Variants in ZBTB20 observed in about 807,000 individuals in gnomAD.
The protein encoded by ZBTB20 is zinc finger and BTB domain containing 20, also known as zinc finger and BTB domain-containing protein 20.
ZBTB20 carries 9 observed loss-of-function variants against 56.9 expected under a neutral mutation model. The ratio of observed to expected loss-of-function variants is 0.16; its 90% CI spans 0.10 to 0.28. ZBTB20 has a LOEUF of 0.28. ZBTB20 is among the 10% of genes least tolerant of loss of function. The pLI is 1.00. For missense variants in ZBTB20, 655 were observed against 1,003.0 expected, an observed-to-expected ratio of 0.65 and a Z score of 4.69; for synonymous variants, 417 against 420.7, an observed-to-expected ratio of 0.99 and a Z score of 0.11.
chr3:114,438,838 T>G (rs545603182), intron 7 of ZBTB20, among the ~76,000 whole-genome samples: 40 of 152,272 alleles, frequency 2.6e-4, no homozygotes, highest in African/African-American at 9.1e-4. Flanking sequence ...CATGGGACCT[T>G]GTGCAACTGC....
intron 2 of ZBTB20, among the ~76,000 whole-genome samples, chr3:115,013,426 A>C (rs2079807448): frequency 6.6e-6 from 1 of 151,686 alleles, no homozygotes; most frequent in Non-Finnish European, 1.5e-5. Flanking sequence ...AAATAGAAAA[A>C]TTTGGAAGAA....
intron 6 of ZBTB20, among the ~76,000 whole-genome samples, chr3:114,606,421 T>C (rs1377385359): frequency 6.6e-6 from 1 of 152,200 alleles, no homozygotes; most frequent in East Asian, 1.9e-4. Context: ...TTTTTTTTTC[T>C]TTCAAAGTAC....
At chr3:114,600,254 T>C (rs2056658079) in intron 6 of ZBTB20, among the ~76,000 whole-genome samples, 1 of 151,964 alleles carries the variant, frequency 6.6e-6, no homozygotes, top group Admixed American at 6.6e-5. Flanking sequence ...CCCAACAGAT[T>C]GAGATGAAGA....
intron 2 of ZBTB20, among the ~76,000 whole-genome samples, chr3:115,010,830 G>A (rs2079671732): frequency 6.6e-6 from 1 of 151,962 alleles, no homozygotes; most frequent in South Asian, 2.1e-4. Context: ...TGGAGAAGCA[G>A]AGATATGTGT....
chr3:114,676,771 ATTTTTT>A (rs397873968), intron 6 of ZBTB20, among the ~76,000 whole-genome samples: 2 of 123,324 alleles, frequency 1.6e-5, no homozygotes, highest in East Asian at 2.3e-4. Context: ...GAACTAGGGG[ATTTTTT>A]TTTTTTTTTT....
intron 7 of ZBTB20, among the ~76,000 whole-genome samples, chr3:114,456,142 G>A (rs1305997390): frequency 6.6e-6 from 1 of 151,080 alleles, no homozygotes; most frequent in African/African-American, 2.4e-5. Flanking sequence ...ATAGCCAAAT[G>A]GAAATATAAT....
intron 5 of ZBTB20, among the ~76,000 whole-genome samples, chr3:114,693,933 A>G (rs962425975): frequency 2.0e-5 from 3 of 152,124 alleles, no homozygotes; most frequent in African/African-American, 7.2e-5. Context: ...GTAAACCACT[A>G]GGATTTGCAG....
intron 7 of ZBTB20, among the ~76,000 whole-genome samples, chr3:114,433,548 T>A (rs2090277592): frequency 6.6e-6 from 1 of 152,174 alleles, no homozygotes; most frequent in Admixed American, 6.6e-5. Flanking sequence ...GTAATTTCTT[T>A]CCAAACACTC....
intron 5 of ZBTB20, among the ~76,000 whole-genome samples, chr3:114,767,436 A>G (rs187013495): frequency 6.6e-6 from 1 of 152,032 alleles, no homozygotes. Context: ...CAGCACTAAA[A>G]TAAAATGGGC....
chr3:114,956,356 A>C (rs1297745353), intron 3 of ZBTB20, among the ~76,000 whole-genome samples: 1 of 152,120 alleles, frequency 6.6e-6, no homozygotes, highest in Non-Finnish European at 1.5e-5. Context: ...CATTCAGTTC[A>C]CCCCTTTGTG....
At chr3:114,991,562 G>C (rs1576506942) in intron 2 of ZBTB20, among the ~76,000 whole-genome samples, 1 of 152,152 alleles carries the variant, frequency 6.6e-6, no homozygotes, top group South Asian at 2.1e-4. Flanking sequence ...ATGTGGTGCT[G>C]AGAAGAATGT....
At position 114,332,962 on chromosome 3, in the gene ZBTB20, T is replaced by G. The variant is rs994500099; in HGVS notation, c.*6043A>C. 3 of 152,214 alleles carry G rather than the reference T, an allele frequency of 2.0e-5. No individual in the cohort carries two copies. Among genetic ancestry groups the G allele is most frequent in the African/African-American group, 7.2e-5 (3 of 41,452 alleles). The allele number at this position is 152,214 out of a possible 1,614,324, so 9.4% of individuals were successfully genotyped here. On this transcript the variant is annotated 3_prime_UTR_variant, in exon 12 of 12. Transcript: ENST00000675478. ...AAAAAGAACCCACACTAGGTAGCCC[T>G]AATTTTCTATCTCTTCACTCTAAAA...
rs1248997499 is a variant in ZBTB20 at position 114,798,180 on chromosome 3, G to T, written c.-343+2921C>A. On this transcript the variant is annotated intron_variant, in intron 5 of 11. Transcript: ENST00000675478. ...CACTATGGTTCTGTTCAGATTACTGGTTTCATCATGTCTGTAAGCCCAATT... is the reference window on the plus strand; with the variant it reads ...CACTATGGTTCTGTTCAGATTACTGTTTTCATCATGTCTGTAAGCCCAATT... Among the ~76,000 whole-genome samples, 3 of 151,646 alleles carry T rather than the reference G, an allele frequency of 2.0e-5. No individual in the cohort carries two copies. The South Asian group carries it at 6.2e-4, about 31-fold the overall frequency.
intron 7 of ZBTB20, among the ~76,000 whole-genome samples, chr3:114,474,492 C>T (rs2040515270): frequency 6.6e-6 from 1 of 152,166 alleles, no homozygotes; most frequent in African/African-American, 2.4e-5. Context: ...AAAGCCTCTT[C>T]TCTTGCTTCT....
intron 2 of ZBTB20, among the ~76,000 whole-genome samples, chr3:115,035,117 T>A (rs1463157683): frequency 1.3e-5 from 2 of 152,068 alleles, no homozygotes; most frequent in Non-Finnish European, 2.9e-5. Context: ...TATAAAACTC[T>A]TGGAAGAAAG....
At chr3:114,414,485 A>G (rs2088310363) in intron 7 of ZBTB20, among the ~76,000 whole-genome samples, 2 of 152,024 alleles carry the variant, frequency 1.3e-5, no homozygotes, top group South Asian at 4.1e-4. Flanking sequence ...TTTGAAGAAA[A>G]TTTAAGTTTA....
At chr3:115,007,201 A>T (rs1161494493) in intron 2 of ZBTB20, among the ~76,000 whole-genome samples, 3 of 151,820 alleles carry the variant, frequency 2.0e-5, no homozygotes, top group African/African-American at 7.2e-5. Flanking sequence ...GTCGTCTAAA[A>T]AAATATGTTT....
intron 5 of ZBTB20, among the ~76,000 whole-genome samples, chr3:114,796,157 T>C (rs1261727223): frequency 2.0e-5 from 3 of 151,896 alleles, no homozygotes; most frequent in Non-Finnish European, 2.9e-5. Context: ...GTAAGTAAAT[T>C]TGATAGTTAG....
In ZBTB20 at chr3:114,316,565, A is replaced by G. The variant is rs2078693146; in HGVS notation, c.*22440T>C. The stretch of plus-strand genomic sequence containing the variant: ...TATACATTTATACATAATATAGTGT[A>G]TATCGTTTCAACTGGAGATAAACTG... On this transcript the variant is annotated 3_prime_UTR_variant, in exon 12 of 12. Transcript: ENST00000675478. 1.9e-6 allele frequency: 1 copy of G among 533,568 alleles called. No homozygotes were observed. Among genetic ancestry groups the G allele is most frequent in the Admixed American group, 1.9e-5 (1 of 51,352 alleles). The allele number at this position is 533,568 out of a possible 1,614,324, so 33.1% of individuals were successfully genotyped here.
Sources: gnomAD v4.1 joint callset for allele counts (sites outside exome capture counted in the v4.1 genomes callset) on GRCh38, gnomAD v4.1.1 for gene constraint, MANE v1.5 for transcripts, NCBI Gene and HGNC (gene_info 2026-07-23, HGNC 2026-07-21) for gene names.